The following PLK4 variants were observed in gnomAD, a reference collection of about 807,000 sequenced individuals.
PLK4 encodes polo like kinase 4.
A neutral mutation model predicts 103.0 loss-of-function variants in PLK4; 51 were observed. The observed-to-expected ratio is 0.50, with a 90% CI of 0.40 to 0.63. The LOEUF (loss-of-function observed/expected upper bound fraction) is 0.63. Ranked by LOEUF, PLK4 falls within the 20% of genes least tolerant of loss-of-function variation. The pLI is 0.00. For synonymous variants in PLK4, 389 were observed against 376.8 expected, an observed-to-expected ratio of 1.03 and a Z score of -0.38; for missense variants, 1,054 against 1,151.0, an observed-to-expected ratio of 0.92 and a Z score of 1.22.
At chr4:127,898,058 A>C (rs148676463) in intron 15 of PLK4, among the ~76,000 whole-genome samples, 9 of 151,640 alleles carry the variant, frequency 5.9e-5, no homozygotes, top group Non-Finnish European at 1.3e-4. Context: ...GGCTGGTCTC[A>C]AACACCTGAC....
chr4:127,891,074 G>T lies in PLK4; in HGVS notation c.1831-18G>T. On this transcript the variant is annotated intron_variant, in intron 7 of 15. Coordinates refer to ENST00000270861, the MANE Select transcript of PLK4 (RefSeq NM_014264.5). The stretch of plus-strand genomic sequence containing the variant: ...AACAAAAGAATTATTACTGATTTTG[G>T]GTTTTTTTTTTTTTTAGGTGAGCAT... The T allele has an allele frequency of 2.5e-6, 3 of 1,199,662 alleles. No homozygotes were observed. The highest frequency in any genetic ancestry group is 2.7e-5 in the South Asian group (2 of 73,866). 74.3% of individuals were successfully genotyped at this position (1,199,662 alleles called of 1,614,324 possible).
chr4:127,881,482 G>C (rs1301795862), intron 1 of PLK4: 12 of 1,044,560 alleles, frequency 1.1e-5, no homozygotes, highest in Non-Finnish European at 7.9e-6. Context: ...TTCTCCAAGG[G>C]GATGGCGGTT....
At position 127,880,963 on chromosome 4, in the gene PLK4, C is replaced by G; in HGVS notation, c.-172C>G. 2 of 668,726 alleles carry G rather than the reference C, an allele frequency of 3.0e-6. No homozygotes were observed. The highest frequency in any genetic ancestry group is 2.7e-5 in the Admixed American group (1 of 36,822). The allele number at this position is 668,726 out of a possible 1,614,324, so 41.4% of individuals were successfully genotyped here. On this transcript the variant is annotated 5_prime_UTR_variant, in exon 1 of 16. Transcript: ENST00000270861. ...TGGGAGCCCAGAGGCACCGCCCAGGCCTCGGAAGGTGTCAGGGAGAACTTT... is the reference window on the plus strand; with the variant it reads ...TGGGAGCCCAGAGGCACCGCCCAGGGCTCGGAAGGTGTCAGGGAGAACTTT...
intron 6 of PLK4, among the ~76,000 whole-genome samples, chr4:127,888,195 A>AAAAAC: frequency 7.1e-6 from 1 of 141,764 alleles, no homozygotes; most frequent in Non-Finnish European, 1.5e-5. Context: ...AAAAAAAAAA[A>AAAAAC]AAAAAAAAAA....
intron 14 of PLK4, among the ~76,000 whole-genome samples, chr4:127,895,999 C>A (rs1735553280): frequency 6.6e-6 from 1 of 152,178 alleles, no homozygotes; most frequent in Non-Finnish European, 1.5e-5. Flanking sequence ...CTTGGAGAGA[C>A]TTCTGAGCCT....
intron 6 of PLK4, 66 bp from the exon 7 acceptor site, chr4:127,889,800 C>T (rs80227164): frequency 5.9e-5 from 68 of 1,154,536 alleles, no homozygotes; most frequent in African/African-American, 1.1e-4. Flanking sequence ...ATCAGAGTGA[C>T]GTTATTTTGT....
intron 5 of PLK4, among the ~76,000 whole-genome samples, chr4:127,887,181 A>G (rs1735168785): frequency 6.6e-6 from 1 of 152,162 alleles, no homozygotes; most frequent in Admixed American, 6.5e-5. Flanking sequence ...AGAGGGCAGT[A>G]GCCATACAGA....
In PLK4 at chr4:127,886,347, CA is replaced by C; in HGVS notation, c.980del (p.Lys327ArgfsTer34). On this transcript the variant is annotated frameshift_variant, in exon 5 of 16. Transcript: ENST00000270861. LOFTEE classifies it high-confidence loss of function. ...QPLPNKMTVF[P>X]KNKSSTDFSS... ...CTCCCAAATAAAATGACTGTATTTC[CA>C]AAGAATAAAAGTTCAACTGATTTTT... The C allele has an allele frequency of 6.2e-7, 1 of 1,613,468 alleles. No homozygotes were observed. Among genetic ancestry groups the C allele is most frequent in the African/African-American group, 1.3e-5 (1 of 74,946 alleles).
chr4:127,891,176 A>G lies in PLK4; in HGVS notation c.1915A>G (p.Ile639Val), dbSNP rs368821403. The G allele has an allele frequency of 6.5e-6, 10 of 1,548,306 alleles. No individual in the cohort carries two copies. Among genetic ancestry groups the G allele is most frequent in the East Asian group, 2.3e-5 (1 of 44,336 alleles). ...SQEYVKEVLQ[I>V]SSDGNTITIY... ...AGAATATGTGAAAGAAGTTCTTCAG[A>G]TATCTAGTGATGGAAATACGGTAAT... Residue 639 changes from isoleucine (I) to valine (V), a missense_variant, in exon 8 of 16, where the codon ATA (isoleucine) becomes GTA (valine). Coordinates refer to ENST00000270861, the MANE Select transcript of PLK4 (RefSeq NM_014264.5).
Position 127,891,073 on chromosome 4 carries a change from G to C in PLK4, c.1831-19G>C. 8.4e-7 allele frequency: 1 copy of C among 1,190,354 alleles called. No homozygotes were observed. The highest frequency in any genetic ancestry group is 1.2e-6 in the Non-Finnish European group (1 of 826,514). 73.7% of individuals were successfully genotyped at this position (1,190,354 alleles called of 1,614,324 possible). A position where few individuals can be genotyped will look rare whatever the true frequency, so the allele number is the denominator to read the frequency against. Reference sequence around the variant, plus strand: ...AAACAAAAGAATTATTACTGATTTTGGGTTTTTTTTTTTTTTAGGTGAGCA... The same window carrying C: ...AAACAAAAGAATTATTACTGATTTTCGGTTTTTTTTTTTTTTAGGTGAGCA... On this transcript the variant is annotated intron_variant, in intron 7 of 15. Coordinates refer to ENST00000270861, the MANE Select transcript of PLK4 (RefSeq NM_014264.5).
rs758425287 is a variant in PLK4, at chr4:127,891,200, A to T, written c.1935+4A>T. 20 of 1,364,526 alleles carry T rather than the reference A, an allele frequency of 1.5e-5. No individual in the cohort carries two copies. The Admixed American group carries it at 3.6e-4, about 25-fold the overall frequency. 84.5% of individuals were successfully genotyped at this position (1,364,526 alleles called of 1,614,324 possible). The stretch of plus-strand genomic sequence containing the variant: ...GATATCTAGTGATGGAAATACGGTA[A>T]TGTGTAGTTACTTTATTACCTTGCA... On this transcript the variant is annotated splice_donor_region_variant and intron_variant, in intron 8 of 15. Transcript: ENST00000270861.
At position 127,894,508 on chromosome 4, in the gene PLK4, G is replaced by A. The variant is rs530118776; in HGVS notation, c.2563-445G>A. On this transcript the variant is annotated intron_variant, in intron 13 of 15. Transcript: ENST00000270861. ...CTCCCAAAGTGCTGGGATTACAGGC[G>A]TGAGCCACCACGCCTGGCTAGTTGT... Among the ~76,000 whole-genome samples, 17 of 152,252 alleles carry A rather than the reference G, an allele frequency of 1.1e-4. No individual in the cohort carries two copies. In the South Asian group the frequency reaches 2.5e-3, roughly 22 times the overall value.
intron 6 of PLK4, among the ~76,000 whole-genome samples, chr4:127,888,248 A>G (rs910096952): frequency 6.9e-6 from 1 of 145,846 alleles, no homozygotes; most frequent in African/African-American, 2.5e-5. Flanking sequence ...CTCTGTTACA[A>G]TATTTGAATA....
chr4:127,889,407 A>G (rs1238838687), intron 6 of PLK4, among the ~76,000 whole-genome samples: 2 of 152,300 alleles, frequency 1.3e-5, no homozygotes, highest in South Asian at 2.1e-4. Flanking sequence ...TTTTAGTTGC[A>G]TATTTTCATT....
rs1578761377 is a variant in PLK4, at chr4:127,890,379, G to A, written c.1830+143G>A. On this transcript the variant is annotated intron_variant, in intron 7 of 15. Coordinates refer to ENST00000270861, the MANE Select transcript of PLK4 (RefSeq NM_014264.5). ...ACTTTATTAAAGAGAAAAGAGACTG[G>A]GTGTTTATGGAAAAACAGCTCTTAT... 1.4e-5 allele frequency: 7 copies of A among 512,304 alleles called. No individual in the cohort carries two copies. The East Asian group carries it at 1.9e-4, about 14-fold the overall frequency. 31.7% of individuals were successfully genotyped at this position (512,304 alleles called of 1,614,324 possible). A position where few individuals can be genotyped will look rare whatever the true frequency, so the allele number is the denominator to read the frequency against.
chr4:127,895,977 A>G (rs1369350095), intron 14 of PLK4, among the ~76,000 whole-genome samples: 2 of 152,174 alleles, frequency 1.3e-5, no homozygotes, highest in Non-Finnish European at 2.9e-5. Context: ...TATATTATCT[A>G]AAATCTTGAA....
chr4:127,892,602 C>A, intron 10 of PLK4, 88 bp downstream of exon 10: 2 of 1,019,790 alleles, frequency 2.0e-6, no homozygotes, highest in Non-Finnish European at 3.0e-6. Flanking sequence ...TCAACACAGT[C>A]AGTTTTAAAG....
chr4:127,894,451 A>G (rs1009104941), intron 13 of PLK4, among the ~76,000 whole-genome samples: 15 of 151,666 alleles, frequency 9.9e-5, no homozygotes, highest in Non-Finnish European at 4.4e-5. Context: ...GATGGTCTCA[A>G]TCTCCTGAAC....
chr4:127,889,899 T>C lies in PLK4; in HGVS notation c.1493T>C (p.Ile498Thr). Residue 498 changes from isoleucine to threonine, a missense_variant, in exon 7 of 16, where the codon ATC (isoleucine) becomes ACC (threonine). Physicochemically the swap from Ile to Thr is moderately conservative, Grantham distance 89. Transcript: ENST00000270861. ...HLRKTTEYDS[I>T]SPNRDFQGHP... ...AGAAAAACTACTGAATATGACAGCA[T>C]CAGCCCAAACCGGGACTTCCAGGGC... is the stretch of plus-strand genomic sequence containing the variant. The C allele has an allele frequency of 6.2e-7, 1 of 1,610,840 alleles. No homozygotes were observed. Among genetic ancestry groups the C allele is most frequent in the East Asian group, 2.2e-5 (1 of 44,852 alleles).
Sources: allele counts gnomAD v4.1 joint callset (sites outside exome capture counted in the v4.1 genomes callset), GRCh38; gene constraint gnomAD v4.1.1; transcripts MANE v1.5; gene names NCBI Gene and HGNC (gene_info 2026-07-23, HGNC 2026-07-21).